The following MYO3A variants were observed in gnomAD, a reference collection of about 807,000 sequenced individuals.
The protein encoded by MYO3A is myosin-IIIa.
In MYO3A, 180 loss-of-function variants were observed where a neutral mutation model predicts 192.7. That is an observed-to-expected ratio of 0.93 (90% confidence interval 0.83 to 1.06). The LOEUF (loss-of-function observed/expected upper bound fraction) is 1.06. Ranked by LOEUF, MYO3A falls within the 50% of genes least tolerant of loss-of-function variation. The pLI is 0.00. For synonymous variants in MYO3A, 628 were observed against 645.3 expected (o/e 0.97, Z 0.41); for missense variants, 1,896 against 1,905.0 (o/e 1.00, Z 0.09).
intron 29 of MYO3A, 30 bp downstream of exon 29, chr10:26,170,569 T>G (rs1225030629): frequency 5.0e-6 from 8 of 1,592,114 alleles, no homozygotes; most frequent in Non-Finnish European, 6.9e-6. Context: ...TATACCGTTG[T>G]AACATATAGA....
chr10:26,081,134 C>CCCCCCCA (rs1835912398), intron 14 of MYO3A, among the ~76,000 whole-genome samples: 6 of 32,828 alleles, frequency 1.8e-4, no homozygotes, highest in Non-Finnish European at 4.1e-4. Flanking sequence ...ATATGCCCTT[C>CCCCCCCA]CCCCCCCCCC....
chr10:26,201,400 G>C (rs1843664576), intron 33 of MYO3A, 95 bp downstream of exon 33: 2 of 945,356 alleles, frequency 2.1e-6, no homozygotes, highest in Admixed American at 2.4e-5. Flanking sequence ...CCTATTTTAG[G>C]CCAGGCGCGG....
chr10:26,080,590 T>TGGG (rs372309863), intron 14 of MYO3A, among the ~76,000 whole-genome samples: 3 of 53,448 alleles, frequency 5.6e-5, no homozygotes, highest in Non-Finnish European at 1.2e-4. Flanking sequence ...GTAATTTTTT[T>TGGG]GGGGGGAGGC....
intron 10 of MYO3A, among the ~76,000 whole-genome samples, chr10:26,053,565 C>T (rs1844133468): frequency 6.6e-6 from 1 of 152,174 alleles, no homozygotes; most frequent in Non-Finnish European, 1.5e-5. Flanking sequence ...GTGGCTCACC[C>T]CTGTAATCCC....
intron 22 of MYO3A, among the ~76,000 whole-genome samples, chr10:26,146,650 T>C (rs1009018796): frequency 1.3e-5 from 2 of 152,310 alleles, no homozygotes; most frequent in South Asian, 2.1e-4. Context: ...CTTACTCTTA[T>C]ACCTTATTTA....
chr10:26,179,447 T>A (rs1564625881), intron 31 of MYO3A, among the ~76,000 whole-genome samples: 1 of 152,108 alleles, frequency 6.6e-6, no homozygotes, highest in Non-Finnish European at 1.5e-5. Flanking sequence ...ATTTCAGTGT[T>A]GGTCTCTGTT....
chr10:25,955,054 G>T, intron 4 of MYO3A, 46 bp downstream of exon 4: 1 of 1,600,494 alleles, frequency 6.2e-7, no homozygotes, highest in Non-Finnish European at 8.6e-7. Flanking sequence ...TTAGAGTGTG[G>T]TTCTGAAATG....
chr10:25,936,641 G>C (rs1039722576), intron 2 of MYO3A, among the ~76,000 whole-genome samples: 1 of 152,086 alleles, frequency 6.6e-6, no homozygotes, highest in African/African-American at 2.4e-5. Flanking sequence ...CTACTTTGGC[G>C]ACACATTGGG....
intron 10 of MYO3A, among the ~76,000 whole-genome samples, chr10:26,064,634 G>T (rs1320086283): frequency 6.6e-6 from 1 of 152,082 alleles, no homozygotes; most frequent in Admixed American, 6.5e-5. Context: ...CTCTTGGGAG[G>T]CTGTTGCAGC....
intron 26 of MYO3A, among the ~76,000 whole-genome samples, chr10:26,157,942 T>G (rs1004445664): frequency 6.6e-6 from 1 of 152,132 alleles, no homozygotes; most frequent in Non-Finnish European, 1.5e-5. Flanking sequence ...TGACCTCTAG[T>G]GGGTAGAGGC....
chr10:25,954,294 G>A (rs1169810302), intron 3 of MYO3A, among the ~76,000 whole-genome samples: 1 of 151,994 alleles, frequency 6.6e-6, no homozygotes, highest in Non-Finnish European at 1.5e-5. Context: ...ATGTCTAAGT[G>A]GCTGTCTTTC....
chr10:26,047,892 T>A (rs908493299), intron 10 of MYO3A, among the ~76,000 whole-genome samples: 1 of 152,178 alleles, frequency 6.6e-6, no homozygotes, highest in African/African-American at 2.4e-5. Context: ...GTATTCTTTT[T>A]TTTTTGCAGT....
At chr10:26,047,660 A>G (rs56374788) in intron 10 of MYO3A, among the ~76,000 whole-genome samples, 24,530 of 151,782 alleles carry the variant, frequency 0.16, 2,265 homozygotes, top group Non-Finnish European at 0.21. Context: ...CTGTAGTCCC[A>G]GCTACTCTGG....
chr10:25,984,059 TGA>T (rs1307121518), intron 4 of MYO3A, among the ~76,000 whole-genome samples: 1 of 152,172 alleles, frequency 6.6e-6, no homozygotes, highest in Non-Finnish European at 1.5e-5. Context: ...AAACAAATAC[TGA>T]GAGAGTTCAC....
At chr10:26,193,857 C>T (rs1048033149) in intron 32 of MYO3A, among the ~76,000 whole-genome samples, 1 of 152,186 alleles carries the variant, frequency 6.6e-6, no homozygotes, top group Non-Finnish European at 1.5e-5. Context: ...CCAGGCCATT[C>T]ATTTTATTGA....
intron 31 of MYO3A, among the ~76,000 whole-genome samples, chr10:26,181,092 T>G (rs1430604797): frequency 1.3e-5 from 2 of 152,140 alleles, no homozygotes; most frequent in Non-Finnish European, 2.9e-5. Context: ...ACCTGAGTAT[T>G]TATAAAAACC....
chr10:26,119,793 T>A (rs1351479378), intron 17 of MYO3A, among the ~76,000 whole-genome samples: 1 of 152,204 alleles, frequency 6.6e-6, no homozygotes, highest in Non-Finnish European at 1.5e-5. Flanking sequence ...TGAATGTAAT[T>A]TGATGTACCT....
intron 27 of MYO3A, among the ~76,000 whole-genome samples, chr10:26,166,913 T>C (rs904342189): frequency 6.6e-6 from 1 of 152,168 alleles, no homozygotes; most frequent in African/African-American, 2.4e-5. Context: ...GAGAACAAAG[T>C]AAAAAGCATA....
intron 3 of MYO3A, among the ~76,000 whole-genome samples, chr10:25,953,743 C>T (rs562685694): frequency 2.0e-5 from 3 of 152,068 alleles, no homozygotes; most frequent in African/African-American, 4.8e-5. Context: ...TAAGTCCCCC[C>T]TATTTAGTAT....
Sources: gnomAD v4.1 joint callset for allele counts (sites outside exome capture counted in the v4.1 genomes callset) on GRCh38, gnomAD v4.1.1 for gene constraint, MANE v1.5 for transcripts, NCBI Gene and HGNC (gene_info 2026-07-23, HGNC 2026-07-21) for gene names.